The following B4GALT6 variants were observed in gnomAD, a reference collection of about 807,000 sequenced individuals.
B4GALT6 encodes UDP-Gal:beta-GlcNAc beta-1,4-galactosyltransferase 6.
A neutral mutation model predicts 46.3 loss-of-function variants in B4GALT6; 14 were observed. That is an observed-to-expected ratio of 0.30 (90% CI 0.20 to 0.47). The LOEUF (loss-of-function observed/expected upper bound fraction) is 0.47. Ranked by LOEUF, B4GALT6 falls within the 20% of genes least tolerant of loss-of-function variation. The pLI is 0.99. For synonymous variants in B4GALT6, 168 were observed against 162.0 expected (o/e 1.04, Z -0.28); for missense variants, 386 against 480.1 (o/e 0.80, Z 1.83).
chr18:31,660,147 A>G (rs2074195031), intron 2 of B4GALT6, among the ~76,000 whole-genome samples: 1 of 151,792 alleles, frequency 6.6e-6, no homozygotes, highest in Admixed American at 6.6e-5. Flanking sequence ...TTGTAGAGAC[A>G]GGGTCTTGCC....
intron 2 of B4GALT6, among the ~76,000 whole-genome samples, chr18:31,662,179 G>C (rs2074225112): frequency 6.6e-6 from 1 of 152,140 alleles, no homozygotes; most frequent in African/African-American, 2.4e-5. Flanking sequence ...CCACATTTAA[G>C]TGCCTTCAAG....
Position 31,623,646 on chromosome 18 carries a change from T to C in B4GALT6, c.*1968A>G, listed in dbSNP as rs963467012. On this transcript the variant is annotated 3_prime_UTR_variant, in exon 9 of 9. Transcript: ENST00000306851. ...ACAAATATCATAATTTTCAGAAGGTTTGATTTTTCGAGTACCATAAAAAAA... is the reference window on the plus strand; with the variant it reads ...ACAAATATCATAATTTTCAGAAGGTCTGATTTTTCGAGTACCATAAAAAAA... 4 of 152,412 alleles carry C rather than the reference T, an allele frequency of 2.6e-5. No individual in the cohort carries two copies. The highest frequency in any genetic ancestry group is 9.6e-5 in the African/African-American group (4 of 41,460). The allele number at this position is 152,412 out of a possible 1,614,324, so 9.4% of individuals were successfully genotyped here.
chr18:31,653,140 C>T (rs568104437), intron 3 of B4GALT6, among the ~76,000 whole-genome samples: 7 of 151,956 alleles, frequency 4.6e-5, no homozygotes, highest in Non-Finnish European at 1.0e-4. Context: ...CCCTCTGAAG[C>T]TCACCTCATG....
the B4GALT6 span, among the ~76,000 whole-genome samples, chr18:31,714,406 GA>G: frequency 6.6e-6 from 1 of 152,170 alleles, no homozygotes; most frequent in East Asian, 1.9e-4. Flanking sequence ...CATCTGAACA[GA>G]CAGAGGTTGC....
intron 5 of B4GALT6, among the ~76,000 whole-genome samples, chr18:31,636,094 G>C (rs1567961256): frequency 6.6e-6 from 1 of 152,192 alleles, no homozygotes; most frequent in Non-Finnish European, 1.5e-5. Context: ...TTTGCAACAA[G>C]TGGTGATGAA....
chr18:31,628,508 A>T (rs2073732191), intron 6 of B4GALT6, among the ~76,000 whole-genome samples: 1 of 152,232 alleles, frequency 6.6e-6, no homozygotes, highest in African/African-American at 2.4e-5. Flanking sequence ...AATAATGGAA[A>T]GTTATTAGGT....
chr18:31,652,009 A>G (rs1307876345), intron 3 of B4GALT6, among the ~76,000 whole-genome samples: 2 of 152,028 alleles, frequency 1.3e-5, no homozygotes, highest in Non-Finnish European at 2.9e-5. Flanking sequence ...TGACCTCATT[A>G]TCTGCCCGCC....
At chr18:31,724,228 T>C in the B4GALT6 span, 2 of 325,546 alleles carry the variant, frequency 6.1e-6, no homozygotes, top group Non-Finnish European at 1.2e-5. Flanking sequence ...GCTGCCCTAA[T>C]GGCTCCTGCT....
At chr18:31,671,460 C>T (rs558762746) in intron 1 of B4GALT6, among the ~76,000 whole-genome samples, 56 of 152,326 alleles carry the variant, frequency 3.7e-4, no homozygotes, top group Non-Finnish European at 6.6e-4. Context: ...GAGATGGTAT[C>T]TCACTGTGGT....
At chr18:31,709,831 G>A in the B4GALT6 span, among the ~76,000 whole-genome samples, 5 of 151,946 alleles carry the variant, frequency 3.3e-5, no homozygotes, top group African/African-American at 4.8e-5. Flanking sequence ...GGTGGCTCAC[G>A]CCTGGAATCC....
At chr18:31,722,407 C>T in the B4GALT6 span, among the ~76,000 whole-genome samples, 1 of 152,024 alleles carries the variant, frequency 6.6e-6, no homozygotes, top group Admixed American at 6.6e-5. Context: ...GAGCTTGGTA[C>T]CATATATCAT....
upstream of B4GALT6, chr18:31,686,334 G>A (rs900779790): frequency 3.9e-5 from 6 of 152,208 alleles, no homozygotes; most frequent in Non-Finnish European, 5.9e-5. Flanking sequence ...AAACACCTAT[G>A]TATAAGCCCA....
At chr18:31,638,269 T>C (rs1375358656) in intron 5 of B4GALT6, among the ~76,000 whole-genome samples, 1 of 152,166 alleles carries the variant, frequency 6.6e-6, no homozygotes, top group East Asian at 1.9e-4. Context: ...GGCTCATACC[T>C]GTAATCCTAG....
Position 31,625,662 on chromosome 18 carries a change from G to C in B4GALT6, c.1101C>G (p.Asn367Lys). Reference sequence around the variant, plus strand: ...ACTCTGGCATGAGGTTTACAGATATGTTTGTATACAACCTATCAACCAGTA... The same window carrying C: ...ACTCTGGCATGAGGTTTACAGATATCTTTGTATACAACCTATCAACCAGTA... ...PKILVDRLYT[N>K]ISVNLMPELA... Residue 367 changes from asparagine to lysine, a missense_variant, in exon 9 of 9, where the codon AAC becomes AAG. Transcript: ENST00000306851. 6.2e-7 allele frequency: 1 copy of C among 1,613,308 alleles called. No individual in the cohort carries two copies.
chr18:31,630,064 G>T (rs1407321902), intron 6 of B4GALT6, among the ~76,000 whole-genome samples: 1 of 139,104 alleles, frequency 7.2e-6, no homozygotes, highest in Admixed American at 7.2e-5. Context: ...AGGGGGGAGG[G>T]GGAAGAAGGG....
At chr18:31,656,678 C>T (rs564861936) in intron 3 of B4GALT6, among the ~76,000 whole-genome samples, 14 of 151,958 alleles carry the variant, frequency 9.2e-5, no homozygotes, top group African/African-American at 3.4e-4. Context: ...AGCAAAACAC[C>T]TAAGTAAAGT....
At chr18:31,665,299 C>G (rs1402711710) in intron 2 of B4GALT6, among the ~76,000 whole-genome samples, 1 of 152,188 alleles carries the variant, frequency 6.6e-6, no homozygotes, top group Non-Finnish European at 1.5e-5. Context: ...ACTGTGGCAA[C>G]CCTGCCATAA....
At chr18:31,689,908 C>T (rs76911462), upstream of B4GALT6, among the ~76,000 whole-genome samples, 1 of 152,052 alleles carries the variant, frequency 6.6e-6, no homozygotes, top group Non-Finnish European at 1.5e-5. Flanking sequence ...AGAGAAAGTT[C>T]GTAAACTTGG....
the B4GALT6 span, among the ~76,000 whole-genome samples, chr18:31,722,464 A>G: frequency 6.6e-6 from 1 of 152,296 alleles, no homozygotes; most frequent in Middle Eastern, 3.4e-3. Context: ...ACCACATAAC[A>G]TTTATAAGGA....
Sources: gnomAD v4.1 joint callset for allele counts (sites outside exome capture counted in the v4.1 genomes callset) on GRCh38, gnomAD v4.1.1 for gene constraint, MANE v1.5 for transcripts, NCBI Gene and HGNC (gene_info 2026-07-23, HGNC 2026-07-21) for gene names.